The following SOX30 variants were observed in gnomAD, a reference collection of about 807,000 sequenced individuals.
The protein encoded by SOX30 is transcription factor SOX-30.
SOX30 carries 17 observed loss-of-function variants against 58.6 expected under a neutral mutation model. The observed-to-expected ratio is 0.29, with a 90% CI of 0.20 to 0.44. SOX30 has a LOEUF of 0.44. Among genes scored for constraint, SOX30 ranks in the 20% least tolerant of loss-of-function variants. The pLI, the probability that SOX30 is intolerant of heterozygous loss-of-function variation, is 1.00. For missense variants in SOX30, 951 were observed against 965.8 expected, an observed-to-expected ratio of 0.98 and a Z score of 0.20; for synonymous variants, 421 against 400.2, an observed-to-expected ratio of 1.05 and a Z score of -0.62.
In SOX30 at chr5:157,652,127, G is replaced by C; in HGVS notation, c.-49C>G. Reference sequence around the variant, plus strand: ...GGATTGTGAGCTCAGCCGTTTGTTGGCGACCTTCCCCCTCCCCCTTTCGGT... The same window carrying C: ...GGATTGTGAGCTCAGCCGTTTGTTGCCGACCTTCCCCCTCCCCCTTTCGGT... On this transcript the variant is annotated 5_prime_UTR_variant, in exon 1 of 5. Transcript: ENST00000265007. The C allele has an allele frequency of 2.2e-6, 3 of 1,383,252 alleles. No homozygotes were observed. Among genetic ancestry groups the C allele is most frequent in the Non-Finnish European group, 1.9e-6 (2 of 1,076,910 alleles). The allele number at this position is 1,383,252 out of a possible 1,614,324, so 85.7% of individuals were successfully genotyped here. A position where few individuals can be genotyped will look rare whatever the true frequency, so the allele number is the denominator to read the frequency against.
Position 157,651,967 on chromosome 5 carries a change from G to T in SOX30, c.112C>A (p.Pro38Thr). 1 of 1,462,044 alleles carries T rather than the reference G, an allele frequency of 6.8e-7. No individual in the cohort carries two copies. The highest frequency in any genetic ancestry group is 9.0e-7 in the Non-Finnish European group (1 of 1,111,832). 90.6% of individuals were successfully genotyped at this position (1,462,044 alleles called of 1,614,324 possible). The stretch of plus-strand genomic sequence containing the variant: ...GCCGCGCTCAGTGTGGGAGACGACG[G>T]AGGGGGCTCCATGGCTGCTGCCCAA... Reference protein sequence around the residue: ...SFWAAAMEPPPSSPTLSAAAS... With the variant: ...SFWAAAMEPPTSSPTLSAAAS... The change falls in exon 1 of 5, where the codon CCG becomes ACG. Residue 38 changes from proline (P) to threonine (T), a missense_variant. This residue lies in a region of SOX30 where 363 missense variants were observed against 294.5 expected (regional missense o/e 1.23). Transcript: ENST00000265007.
chr5:157,630,465 T>C (rs1286480539), intron 4 of SOX30, among the ~76,000 whole-genome samples: 4 of 152,178 alleles, frequency 2.6e-5, no homozygotes, highest in Admixed American at 1.3e-4. Flanking sequence ...TTGTTGCTTG[T>C]TTGGGGTTGT....
chr5:157,638,700 C>G lies in SOX30; in HGVS notation c.1410G>C (p.Gln470His). 1.9e-6 allele frequency: 3 copies of G among 1,611,042 alleles called. No homozygotes were observed. Among genetic ancestry groups the G allele is most frequent in the Non-Finnish European group, 1.7e-6 (2 of 1,178,112 alleles). Residue 470 changes from glutamine to histidine, a missense_variant, in exon 4 of 5, where the codon CAG becomes CAC. Around this residue, in one of 7 missense-constraint regions of SOX30, gnomAD observed 381 missense variants for 390.0 expected, o/e 0.98. Coordinates refer to ENST00000265007, the MANE Select transcript of SOX30 (RefSeq NM_178424.2). The stretch of plus-strand genomic sequence containing the variant: ...GGCTCTGGACTGCAGGTGTGGGCAG[C>G]TGGATAGCAGGTGAGGTTTCACCTT... ...HPVGETSPAI[Q>H]LPTPAVQSPS...
In SOX30 at chr5:157,651,536, G is replaced by C; in HGVS notation, c.543C>G (p.Asp181Glu). 1 of 1,613,174 alleles carries C rather than the reference G, an allele frequency of 6.2e-7. No homozygotes were observed. The highest frequency in any genetic ancestry group is 8.5e-7 in the Non-Finnish European group (1 of 1,180,014). ...PGPALGYFRG[D>E]EKGKLEAEEV... ...CCTCCGCCTCCAGCTTGCCCTTCTC[G>C]TCCCCTCGGAAGTAGCCGAGGGCCG... Residue 181 changes from aspartate to glutamate, a missense_variant, in exon 1 of 5, where the codon GAC becomes GAG. Coordinates refer to ENST00000265007, the MANE Select transcript of SOX30 (RefSeq NM_178424.2).
intron 1 of SOX30, among the ~76,000 whole-genome samples, chr5:157,650,023 T>A (rs1454653419): frequency 6.6e-6 from 1 of 152,144 alleles, no homozygotes; most frequent in African/African-American, 2.4e-5. Flanking sequence ...GAGACCAGCA[T>A]CTCTTTTTCA....
At position 157,652,103 on chromosome 5, in the gene SOX30, G is replaced by C; in HGVS notation, c.-25C>G. ...TGGGGGAGGGGGACGCCCCGGCCAG[G>C]ATTGTGAGCTCAGCCGTTTGTTGGC... is the stretch of plus-strand genomic sequence containing the variant. On this transcript the variant is annotated 5_prime_UTR_variant, in exon 1 of 5. The change creates a new upstream start codon in the 5' untranslated region. Transcript: ENST00000265007. 1 of 1,392,780 alleles carries C rather than the reference G, an allele frequency of 7.2e-7. No homozygotes were observed. Among genetic ancestry groups the C allele is most frequent in the Non-Finnish European group, 9.2e-7 (1 of 1,081,174 alleles). 86.3% of individuals were successfully genotyped at this position (1,392,780 alleles called of 1,614,324 possible). A position where few individuals can be genotyped will look rare whatever the true frequency, so the allele number is the denominator to read the frequency against.
At chr5:157,664,744 C>T (rs1028817145) in intron 2 of SOX30, among the ~76,000 whole-genome samples, 5 of 152,102 alleles carry the variant, frequency 3.3e-5, no homozygotes, top group Non-Finnish European at 5.9e-5. Context: ...AGAACTTAAA[C>T]AAATTTACAA....
intron 2 of SOX30, among the ~76,000 whole-genome samples, chr5:157,648,034 T>G (rs1330530160): frequency 6.6e-6 from 1 of 152,212 alleles, no homozygotes; most frequent in Non-Finnish European, 1.5e-5. Context: ...CCTCTGACCT[T>G]CATTACTAGA....
At chr5:157,633,996 G>A (rs942684465) in intron 4 of SOX30, among the ~76,000 whole-genome samples, 3 of 152,200 alleles carry the variant, frequency 2.0e-5, no homozygotes, top group Non-Finnish European at 4.4e-5. Flanking sequence ...GAACTAGTCT[G>A]AAGAATTAAT....
At chr5:157,667,760 A>G (rs1759698980) in intron 2 of SOX30, 36 of 1,058,916 alleles carry the variant, frequency 3.4e-5, no homozygotes, top group Non-Finnish European at 4.3e-5. Context: ...ATACATACAT[A>G]CATACACACA....
At chr5:157,637,678 A>C (rs1358603563) in intron 4 of SOX30, among the ~76,000 whole-genome samples, 1 of 152,096 alleles carries the variant, frequency 6.6e-6, no homozygotes, top group African/African-American at 2.4e-5. Context: ...TGCATGAAAA[A>C]TTATATCCAA....
intron 4 of SOX30, among the ~76,000 whole-genome samples, chr5:157,636,516 T>C (rs1355351616): frequency 6.6e-6 from 1 of 152,172 alleles, no homozygotes; most frequent in Non-Finnish European, 1.5e-5. Context: ...AAATACTTAT[T>C]AAGGCTGCAA....
intron 1 of SOX30, chr5:157,671,232 G>A (rs546987309): frequency 4.5e-6 from 1 of 219,844 alleles, no homozygotes; most frequent in Admixed American, 5.8e-5. Context: ...CCATGCCGCT[G>A]AGCAGCCCCA....
chr5:157,652,499 G>C (rs567448723), upstream of SOX30: 1 of 539,118 alleles, frequency 1.9e-6, no homozygotes, highest in South Asian at 8.2e-5. Flanking sequence ...GAAGTCTTGC[G>C]TCACAAGGGG....
At chr5:157,663,667 C>G (rs554869840) in intron 2 of SOX30, among the ~76,000 whole-genome samples, 2 of 152,164 alleles carry the variant, frequency 1.3e-5, no homozygotes, top group Admixed American at 6.5e-5. Context: ...CAAATTGTCC[C>G]TGTTTGCAGA....
chr5:157,667,767 C>CATACATACAT, intron 2 of SOX30: 1 of 436,146 alleles, frequency 2.3e-6, no homozygotes, highest in African/African-American at 5.1e-5. Context: ...CATACATACA[C>CATACATACAT]ACACACACAC....
intron 2 of SOX30, among the ~76,000 whole-genome samples, chr5:157,658,621 C>A (rs1759524785): frequency 6.6e-6 from 1 of 152,216 alleles, no homozygotes. Context: ...ATACAAGAGA[C>A]TCTCATAGTT....
intron 4 of SOX30, among the ~76,000 whole-genome samples, chr5:157,635,055 C>T (rs1758894121): frequency 6.6e-6 from 1 of 152,156 alleles, no homozygotes; most frequent in Non-Finnish European, 1.5e-5. Context: ...ACTATCTAGA[C>T]AGTCATAAAT....
At chr5:157,637,779 C>T (rs1355388290) in intron 4 of SOX30, among the ~76,000 whole-genome samples, 3 of 152,072 alleles carry the variant, frequency 2.0e-5, no homozygotes, top group Middle Eastern at 3.4e-3. Context: ...CTGCAACCTC[C>T]GCCTCCCAGG....
Sources: gnomAD v4.1 joint callset for allele counts (sites outside exome capture counted in the v4.1 genomes callset) on GRCh38, gnomAD v4.1.1 for gene constraint, gnomAD v4.1.1 regional missense constraint, MANE v1.5 for transcripts, NCBI Gene and HGNC (gene_info 2026-07-23, HGNC 2026-07-21) for gene names.